MTRES1: variants seen among roughly 807,000 people sequenced by gnomAD.
MTRES1 encodes the protein uncharacterized protein C6orf203.
MTRES1 carries 11 observed loss-of-function variants against 17.4 expected under a neutral mutation model. That is an observed-to-expected ratio of 0.63 (90% CI 0.40 to 1.05). The LOEUF (loss-of-function observed/expected upper bound fraction) is 1.05. Ranked by LOEUF, MTRES1 falls within the 50% of genes least tolerant of loss-of-function variation. The probability of loss-of-function intolerance (pLI) is 0.00; values close to 1 mark genes in which losing one functional copy is unlikely to be tolerated. For missense variants in MTRES1, 268 were observed against 276.2 expected (o/e 0.97, Z 0.21); for synonymous variants, 94 against 99.6 (o/e 0.94, Z 0.34).
chr6:107,040,074 ACT>A lies in MTRES1; in HGVS notation c.317_318del (p.Ser106Ter). On this transcript the variant is annotated frameshift_variant, in exon 2 of 4. Coordinates refer to ENST00000311381, the MANE Select transcript of MTRES1 (RefSeq NM_016487.5). LOFTEE classifies it high-confidence loss of function. Reference sequence around the variant, plus strand: ...TCTCTGCAAAAAGTAGATGAAGAGGACTCTGATGAAGAAAGCCATCATGATGA... The same window carrying A: ...TCTCTGCAAAAAGTAGATGAAGAGGACTGATGAAGAAAGCCATCATGATGA... The A allele has an allele frequency of 3.7e-6, 6 of 1,613,766 alleles. No homozygotes were observed. The highest frequency in any genetic ancestry group is 5.1e-6 in the Non-Finnish European group (6 of 1,179,986).
intron 1 of MTRES1, among the ~76,000 whole-genome samples, chr6:107,035,703 C>T (rs1356813315): frequency 6.6e-6 from 1 of 152,078 alleles, no homozygotes; most frequent in Admixed American, 6.6e-5. Context: ...GGCTGGAGTG[C>T]AATGGCACAA....
At chr6:107,044,953 C>T (rs1036241054) in intron 3 of MTRES1, among the ~76,000 whole-genome samples, 1 of 151,470 alleles carries the variant, frequency 6.6e-6, no homozygotes. Flanking sequence ...ACTTTGGGAG[C>T]TGAGGCCAGC....
In MTRES1 at chr6:107,031,800, C is replaced by T. The variant is rs369788066; in HGVS notation, c.-13+3529C>T. 4.6e-5 allele frequency among the ~76,000 whole-genome samples: 7 copies of T among 152,148 alleles called. No individual in the cohort carries two copies. The East Asian group carries it at 1.4e-3, about 29-fold the overall frequency. ...ATTAGTAGTAGAGACAGGGTTTCTC[C>T]ATGTTGGTCAGGCTGGTCTCGAACT... is the stretch of plus-strand genomic sequence containing the variant. On this transcript the variant is annotated intron_variant, in intron 1 of 3. Transcript: ENST00000311381.
chr6:107,039,328 T>C (rs782643250), intron 1 of MTRES1, among the ~76,000 whole-genome samples: 1 of 152,034 alleles, frequency 6.6e-6, no homozygotes, highest in Admixed American at 6.6e-5. Flanking sequence ...TTTGGTTTTT[T>C]TTAATTTTGG....
At chr6:107,031,586 A>G (rs760839231) in intron 1 of MTRES1, among the ~76,000 whole-genome samples, 64 of 148,744 alleles carry the variant, frequency 4.3e-4, no homozygotes, top group Non-Finnish European at 7.6e-4. Flanking sequence ...AGGATTACAG[A>G]TGCCTGCCAT....
In MTRES1 at chr6:107,028,267, T is replaced by C. The variant is rs782574214; in HGVS notation, c.-17T>C. On this transcript the variant is annotated 5_prime_UTR_variant, in exon 1 of 4. Coordinates refer to ENST00000311381, the MANE Select transcript of MTRES1 (RefSeq NM_016487.5). ...CGGGGAGGGACGAGAGGGCCTGACG[T>C]ACAGGTGAGTGCGCCTCTGCTGGCG... 2 of 151,962 alleles carry C rather than the reference T, an allele frequency of 1.3e-5. No homozygotes were observed. The highest frequency in any genetic ancestry group is 2.9e-5 in the Non-Finnish European group (2 of 68,020). 9.4% of individuals were successfully genotyped at this position (151,962 alleles called of 1,614,324 possible).
intron 1 of MTRES1, chr6:107,028,708 G>A (rs972302243): frequency 6.3e-6 from 1 of 158,356 alleles, no homozygotes; most frequent in Admixed American, 6.5e-5. Context: ...AGCGGTGAAC[G>A]GGCTCAGGAA....
chr6:107,042,197 G>A (rs1025298026), intron 2 of MTRES1, among the ~76,000 whole-genome samples: 10 of 151,824 alleles, frequency 6.6e-5, no homozygotes, highest in African/African-American at 1.5e-4. Context: ...AAAATTGGCC[G>A]GGCGTGGTGG....
chr6:107,031,959 A>G (rs891006487), intron 1 of MTRES1, among the ~76,000 whole-genome samples: 1 of 152,122 alleles, frequency 6.6e-6, no homozygotes, highest in African/African-American at 2.4e-5. Context: ...ACCAAGAGTA[A>G]GGTGTCTTGG....
intron 2 of MTRES1, among the ~76,000 whole-genome samples, chr6:107,042,921 G>C (rs1439181617): frequency 1.3e-5 from 2 of 152,174 alleles, no homozygotes; most frequent in Non-Finnish European, 2.9e-5. Context: ...CTTTGCAGCA[G>C]TTCAACATCT....
At chr6:107,049,686 T>A (rs544631185) in intron 3 of MTRES1, among the ~76,000 whole-genome samples, 5 of 150,838 alleles carry the variant, frequency 3.3e-5, no homozygotes, top group African/African-American at 1.2e-4. Context: ...GTACTGGGAT[T>A]ACAGGCTTGA....
intron 1 of MTRES1, among the ~76,000 whole-genome samples, chr6:107,033,746 A>T (rs973176248): frequency 3.3e-5 from 5 of 152,122 alleles, no homozygotes; most frequent in Admixed American, 3.3e-4. Context: ...GGAACCTGGG[A>T]GGCAGAGCTT....
In MTRES1 at chr6:107,039,911, C is replaced by A; in HGVS notation, c.151C>A (p.Arg51Ser). Residue 51 changes from arginine to serine, a missense_variant, in exon 2 of 4, where the codon CGT becomes AGT. Arg to Ser is a moderately radical substitution (Grantham distance 110). Coordinates refer to ENST00000311381, the MANE Select transcript of MTRES1 (RefSeq NM_016487.5). ...RYLYFSSTKL[R>S]APNYKTLFYN... ...CTTGTATTTTTCTAGTACCAAGTTA[C>A]GTGCACCAAATTATAAAACACTTTT... 2 of 1,613,934 alleles carry A rather than the reference C, an allele frequency of 1.2e-6. No homozygotes were observed. Among genetic ancestry groups the A allele is most frequent in the Non-Finnish European group, 1.7e-6 (2 of 1,179,854 alleles).
chr6:107,037,870 C>T (rs1424924253), intron 1 of MTRES1, among the ~76,000 whole-genome samples: 3 of 151,934 alleles, frequency 2.0e-5, no homozygotes, highest in African/African-American at 7.3e-5. Flanking sequence ...AGGCGTATGC[C>T]ACCACACCCG....
At position 107,051,398 on chromosome 6, in the gene MTRES1, C is replaced by T; in HGVS notation, c.*162C>T. The T allele has an allele frequency of 1.7e-6, 1 of 599,214 alleles. No individual in the cohort carries two copies. The highest frequency in any genetic ancestry group is 2.9e-6 in the Non-Finnish European group (1 of 349,972). 37.1% of individuals were successfully genotyped at this position (599,214 alleles called of 1,614,324 possible). On this transcript the variant is annotated 3_prime_UTR_variant, in exon 4 of 4. Coordinates refer to ENST00000311381, the MANE Select transcript of MTRES1 (RefSeq NM_016487.5). Reference sequence around the variant, plus strand: ...CCATATCTGGAGACACTTCCCAAGGCCTGCCTCACCTCCACCCCCTGCCCA... The same window carrying T: ...CCATATCTGGAGACACTTCCCAAGGTCTGCCTCACCTCCACCCCCTGCCCA...
At chr6:107,046,684 G>A (rs1479614116) in intron 3 of MTRES1, among the ~76,000 whole-genome samples, 1 of 152,148 alleles carries the variant, frequency 6.6e-6, no homozygotes, top group African/African-American at 2.4e-5. Context: ...GAAGGGTCAG[G>A]TGCTTGTCTG....
rs1774366542 is a variant in MTRES1, at chr6:107,045,637, A to AT, written c.543+1312dup. Among the ~76,000 whole-genome samples the AT allele has an allele frequency of 2.0e-5, 3 of 152,248 alleles. No individual in the cohort carries two copies. The South Asian group carries it at 6.2e-4, about 32-fold the overall frequency. On this transcript the variant is annotated intron_variant, in intron 3 of 3. Coordinates refer to ENST00000311381, the MANE Select transcript of MTRES1 (RefSeq NM_016487.5). ...TAATTTCATAGTTTTTATTTTCTGA[A>AT]TTTTTTTACCATGAGTATGTATCAC... is the stretch of plus-strand genomic sequence containing the variant.
chr6:107,051,392 C>A lies in MTRES1; in HGVS notation c.*156C>A. The A allele has an allele frequency of 1.6e-6, 1 of 623,422 alleles. No homozygotes were observed. Among genetic ancestry groups the A allele is most frequent in the Non-Finnish European group, 2.7e-6 (1 of 369,376 alleles). The allele number at this position is 623,422 out of a possible 1,614,324, so 38.6% of individuals were successfully genotyped here. ...TGGGATCCATATCTGGAGACACTTCCCAAGGCCTGCCTCACCTCCACCCCC... is the reference window on the plus strand; with the variant it reads ...TGGGATCCATATCTGGAGACACTTCACAAGGCCTGCCTCACCTCCACCCCC... On this transcript the variant is annotated 3_prime_UTR_variant, in exon 4 of 4. Coordinates refer to ENST00000311381, the MANE Select transcript of MTRES1 (RefSeq NM_016487.5).
intron 1 of MTRES1, among the ~76,000 whole-genome samples, chr6:107,031,620 T>TC (rs1773845505): frequency 6.6e-6 from 1 of 151,102 alleles, no homozygotes. Flanking sequence ...TTTTTTTTTT[T>TC]GAGACGTCTC....
Sources: allele counts gnomAD v4.1 joint callset (sites outside exome capture counted in the v4.1 genomes callset), GRCh38; gene constraint gnomAD v4.1.1; transcripts MANE v1.5; gene names NCBI Gene and HGNC (gene_info 2026-07-23, HGNC 2026-07-21).